ARK2N: variants seen among roughly 807,000 people sequenced by gnomAD.
ARK2N encodes arkadia (RNF111) N-terminal like PKA signaling regulator 2N, also known as protein ARK2N.
chr18:46,213,515 G>T, the ARK2N span, among the ~76,000 whole-genome samples: 1 of 151,890 alleles, frequency 6.6e-6, no homozygotes, highest in African/African-American at 2.4e-5. Flanking sequence ...ATTTATAACG[G>T]TCTCCGTTGG....
At chr18:46,208,594 C>T in the ARK2N span, among the ~76,000 whole-genome samples, 11 of 151,668 alleles carry the variant, frequency 7.3e-5, no homozygotes, top group African/African-American at 2.2e-4. Context: ...GTCAGCCCCC[C>T]GAGTAGCTGG....
the ARK2N span, chr18:46,231,683 C>T: frequency 6.8e-6 from 1 of 148,098 alleles, no homozygotes; most frequent in African/African-American, 2.5e-5. Flanking sequence ...TAAGATTTAA[C>T]AGCAAGAGTC....
At chr18:46,231,425 T>C in the ARK2N span, among the ~76,000 whole-genome samples, 1 of 152,136 alleles carries the variant, frequency 6.6e-6, no homozygotes, top group African/African-American at 2.4e-5. Flanking sequence ...TGATTTCGAA[T>C]GGATTCAGAT....
the ARK2N span, among the ~76,000 whole-genome samples, chr18:46,237,911 G>A: frequency 1.3e-5 from 2 of 152,222 alleles, no homozygotes; most frequent in East Asian, 3.9e-4. Context: ...AATTTTAAGT[G>A]TAATATATGA....
At chr18:46,195,211 T>G in the ARK2N span, among the ~76,000 whole-genome samples, 1 of 151,978 alleles carries the variant, frequency 6.6e-6, no homozygotes, top group South Asian at 2.1e-4. Context: ...TTGCCATTTG[T>G]TTTTGGTTAT....
At chr18:46,260,638 C>G in the ARK2N span, among the ~76,000 whole-genome samples, 4 of 152,324 alleles carry the variant, frequency 2.6e-5, 1 homozygote, top group South Asian at 4.1e-4. Flanking sequence ...AATAAGGTCT[C>G]TAAACCTCTC....
the ARK2N span, among the ~76,000 whole-genome samples, chr18:46,201,255 G>A: frequency 6.6e-6 from 1 of 152,030 alleles, no homozygotes; most frequent in Admixed American, 6.6e-5. Flanking sequence ...AAAGTGCTAG[G>A]ATTGCAAACG....
chr18:46,185,583 G>A, the ARK2N span, among the ~76,000 whole-genome samples: 4 of 152,204 alleles, frequency 2.6e-5, no homozygotes, highest in Non-Finnish European at 4.4e-5. Context: ...CAGGAAGTAG[G>A]TCCACAATAA....
At chr18:46,181,657 G>T in the ARK2N span, among the ~76,000 whole-genome samples, 72 of 152,290 alleles carry the variant, frequency 4.7e-4, no homozygotes, top group Non-Finnish European at 9.7e-4. Context: ...GGAGCTTGCA[G>T]TGAGCCAAGA....
chr18:46,229,051 C>CA, the ARK2N span, among the ~76,000 whole-genome samples: 1 of 151,844 alleles, frequency 6.6e-6, no homozygotes, highest in Non-Finnish European at 1.5e-5. Context: ...GAACCTATAC[C>CA]AAAATATTAA....
At chr18:46,183,910 G>A in the ARK2N span, among the ~76,000 whole-genome samples, 2 of 151,854 alleles carry the variant, frequency 1.3e-5, no homozygotes, top group African/African-American at 2.4e-5. Context: ...TGCAACCTCC[G>A]TCTCCCGGGT....
chr18:46,250,928 C>T, the ARK2N span, among the ~76,000 whole-genome samples: 2 of 152,170 alleles, frequency 1.3e-5, no homozygotes, highest in South Asian at 2.1e-4. Context: ...CCTGATTACC[C>T]TCAAGTCTGG....
chr18:46,213,344 A>T, the ARK2N span, among the ~76,000 whole-genome samples: 8 of 152,114 alleles, frequency 5.3e-5, no homozygotes, highest in East Asian at 1.4e-3. Flanking sequence ...GAATCTCCAT[A>T]ATAGAATTAA....
At chr18:46,194,808 T>A in the ARK2N span, among the ~76,000 whole-genome samples, 3 of 146,704 alleles carry the variant, frequency 2.0e-5, no homozygotes, top group Non-Finnish European at 4.5e-5. Flanking sequence ...TTAATTAATT[T>A]TTTTTTTTTT....
At chr18:46,236,591 G>C in the ARK2N span, among the ~76,000 whole-genome samples, 1 of 152,200 alleles carries the variant, frequency 6.6e-6, no homozygotes, top group African/African-American at 2.4e-5. Context: ...TAACTTAAAT[G>C]TTGTAAGCAT....
At chr18:46,204,662 A>AT in the ARK2N span, among the ~76,000 whole-genome samples, 1 of 152,224 alleles carries the variant, frequency 6.6e-6, no homozygotes, top group East Asian at 1.9e-4. Context: ...GTAATATAAA[A>AT]TAAATAGATG....
At chr18:46,195,097 TG>T in the ARK2N span, among the ~76,000 whole-genome samples, 1 of 151,946 alleles carries the variant, frequency 6.6e-6, no homozygotes, top group Non-Finnish European at 1.5e-5. Flanking sequence ...CCACCATGCC[TG>T]GCCTCAAATA....
At chr18:46,229,329 A>T in the ARK2N span, among the ~76,000 whole-genome samples, 1 of 152,132 alleles carries the variant, frequency 6.6e-6, no homozygotes, top group African/African-American at 2.4e-5. Context: ...ACAGACATTT[A>T]AAAAAGTGTC....
chr18:46,188,488 C>T, the ARK2N span, among the ~76,000 whole-genome samples: 7 of 152,060 alleles, frequency 4.6e-5, no homozygotes, highest in African/African-American at 9.7e-5. Flanking sequence ...AGGCGTGAGC[C>T]GCGACATGTG....
Sources: gnomAD v4.1 joint callset for allele counts (sites outside exome capture counted in the v4.1 genomes callset) on GRCh38, gnomAD v4.1.1 for gene constraint, MANE v1.5 for transcripts, NCBI Gene and HGNC (gene_info 2026-07-23, HGNC 2026-07-21) for gene names.